The following ADAMTS14 variants were observed in gnomAD, a reference collection of about 807,000 sequenced individuals.
ADAMTS14 encodes A disintegrin and metalloproteinase with thrombospondin motifs 14.
ADAMTS14 carries 100 observed loss-of-function variants against 128.6 expected under a neutral mutation model. The ratio of observed to expected loss-of-function variants is 0.78; its 90% CI spans 0.66 to 0.92. The LOEUF (loss-of-function observed/expected upper bound fraction) is 0.92. Ranked by LOEUF, ADAMTS14 falls within the 40% of genes least tolerant of loss-of-function variation. ADAMTS14 has a pLI of 0.00. For synonymous variants in ADAMTS14, 665 were observed against 653.8 expected, an observed-to-expected ratio of 1.02 and a Z score of -0.26; for missense variants, 1,562 against 1,658.6, an observed-to-expected ratio of 0.94 and a Z score of 1.01.
Position 70,674,703 on chromosome 10 carries a change from C to T in ADAMTS14, c.230C>T (p.Pro77Leu). Residue 77 changes from proline to leucine, a missense_variant, in exon 2 of 22, where the codon CCA becomes CTA. Transcript: ENST00000373207. ...GTAGTGGACACGCCACCCACACTAC[C>T]ACGACACTCCAGTCACCTCCGGGTG... ...SMVVDTPPTLPRHSSHLRVAR... is the reference protein window; with the variant it reads ...SMVVDTPPTLLRHSSHLRVAR... 1.9e-6 allele frequency: 3 copies of T among 1,613,562 alleles called. No homozygotes were observed. The highest frequency in any genetic ancestry group is 2.5e-6 in the Non-Finnish European group (3 of 1,180,020).
At chr10:70,748,640 A>T (rs1051814619) in intron 15 of ADAMTS14, among the ~76,000 whole-genome samples, 70 of 152,336 alleles carry the variant, frequency 4.6e-4, no homozygotes, top group African/African-American at 1.7e-3. Context: ...GGAGTCTCCA[A>T]TTCCCCATCT....
At chr10:70,708,208 CA>C (rs1589283227) in intron 3 of ADAMTS14, among the ~76,000 whole-genome samples, 1 of 152,250 alleles carries the variant, frequency 6.6e-6, no homozygotes, top group East Asian at 1.9e-4. Context: ...TTGATTTTTA[CA>C]GCAACCTTGT....
intron 10 of ADAMTS14, among the ~76,000 whole-genome samples, chr10:70,738,395 A>G (rs1415308751): frequency 6.6e-6 from 1 of 152,194 alleles, no homozygotes; most frequent in Non-Finnish European, 1.5e-5. Context: ...CACTGCATGC[A>G]CAGACCTCCC....
chr10:70,737,237 TC>T (rs1564548061), intron 10 of ADAMTS14, among the ~76,000 whole-genome samples: 1 of 152,158 alleles, frequency 6.6e-6, no homozygotes, highest in African/African-American at 2.4e-5. Flanking sequence ...ACACGTGTTC[TC>T]CCCACACCAA....
intron 4 of ADAMTS14, among the ~76,000 whole-genome samples, chr10:70,711,349 C>T (rs528154434): frequency 5.3e-5 from 8 of 152,338 alleles, no homozygotes; most frequent in African/African-American, 1.9e-4. Context: ...ATTGGCCTAA[C>T]CTGGGTCACG....
chr10:70,745,753 G>C (rs1464525223), intron 15 of ADAMTS14, among the ~76,000 whole-genome samples: 1 of 152,142 alleles, frequency 6.6e-6, no homozygotes, highest in African/African-American at 2.4e-5. Context: ...TGGGCTCTGT[G>C]GGGTGGTTCT....
intron 21 of ADAMTS14, 62 bp from the exon 22 acceptor site, chr10:70,760,298 G>GA: frequency 6.7e-7 from 1 of 1,501,338 alleles, no homozygotes; most frequent in Non-Finnish European, 8.9e-7. Context: ...GGGAGGGGGG[G>GA]CCACCTGACT....
intron 4 of ADAMTS14, among the ~76,000 whole-genome samples, chr10:70,714,504 G>T (rs1282013119): frequency 2.0e-5 from 3 of 152,176 alleles, no homozygotes; most frequent in Admixed American, 6.5e-5. Context: ...AGCTGTTATG[G>T]TAGAAAAACT....
intron 2 of ADAMTS14, 73 bp downstream of exon 2, chr10:70,675,068 A>C: frequency 6.5e-7 from 1 of 1,545,826 alleles, no homozygotes; most frequent in Non-Finnish European, 8.8e-7. Context: ...TGAGATTGCT[A>C]TGGGCATGTT....
At chr10:70,729,955 T>G in intron 5 of ADAMTS14, 147 bp from the exon 6 acceptor site, 1 of 913,886 alleles carries the variant, frequency 1.1e-6, no homozygotes, top group Non-Finnish European at 1.6e-6. Flanking sequence ...CCAGCAGCAG[T>G]TGAGTGGGGA....
rs908166297 is a variant in ADAMTS14, at chr10:70,689,498, C to T, written c.523-12814C>T. On this transcript the variant is annotated intron_variant, in intron 2 of 21. Coordinates refer to ENST00000373207, the MANE Select transcript of ADAMTS14 (RefSeq NM_080722.4). ...GTGGGGTGCACAGCAGGGGCGAAGG[C>T]GCGGAGGCCCATGGGAACTGTGGCT... 6.2e-5 allele frequency among the ~76,000 whole-genome samples: 9 copies of T among 145,182 alleles called. 1 individual carries two copies. Among genetic ancestry groups the T allele is most frequent in the East Asian group, 1.9e-4 (1 of 5,162 alleles).
intron 2 of ADAMTS14, among the ~76,000 whole-genome samples, chr10:70,700,584 G>A (rs1488238708): frequency 6.6e-6 from 1 of 152,128 alleles, no homozygotes; most frequent in Non-Finnish European, 1.5e-5. Flanking sequence ...AAGAGTGTTG[G>A]GCCTCTCACT....
chr10:70,679,199 T>A (rs973707724), intron 2 of ADAMTS14, among the ~76,000 whole-genome samples: 5 of 151,966 alleles, frequency 3.3e-5, no homozygotes, highest in African/African-American at 4.8e-5. Flanking sequence ...TCAGACATTA[T>A]AAACATGAAA....
intron 2 of ADAMTS14, among the ~76,000 whole-genome samples, chr10:70,695,672 C>A (rs1306334525): frequency 6.6e-6 from 1 of 152,160 alleles, no homozygotes; most frequent in Non-Finnish European, 1.5e-5. Context: ...ATGGGGAAGA[C>A]AAGGGGAGGA....
At chr10:70,684,123 TGGCG>T (rs1839890039) in intron 2 of ADAMTS14, among the ~76,000 whole-genome samples, 2 of 151,794 alleles carry the variant, frequency 1.3e-5, no homozygotes, top group Admixed American at 1.3e-4. Context: ...GTATCTCGCA[TGGCG>T]GGAGCAGGAG....
chr10:70,688,876 AGGGGG>A lies in ADAMTS14; in HGVS notation c.523-13435_523-13431del, dbSNP rs1564521595. Among the ~76,000 whole-genome samples the A allele has an allele frequency of 1.2e-4, 2 of 16,110 alleles. 1 individual carries two copies. Among genetic ancestry groups the A allele is most frequent in the African/African-American group, 9.4e-4 (2 of 2,138 alleles). The allele number at this position is 16,110 out of a possible 152,430, so 10.6% of individuals were successfully genotyped here. On this transcript the variant is annotated intron_variant, in intron 2 of 21. Transcript: ENST00000373207. Reference sequence around the variant, plus strand: ...GAGGGGGAGGGGGAGGGGGAGGGGGAGGGGGAGGGGGAGGGGGAGGGAGAGGGAGA... The same window carrying A: ...GAGGGGGAGGGGGAGGGGGAGGGGGAAGGGGGAGGGGGAGGGAGAGGGAGA...
At chr10:70,693,324 C>A (rs1413748584) in intron 2 of ADAMTS14, among the ~76,000 whole-genome samples, 2 of 152,140 alleles carry the variant, frequency 1.3e-5, no homozygotes, top group African/African-American at 4.8e-5. Flanking sequence ...CATAGCAGAG[C>A]CAGGGGCTAC....
chr10:70,751,261 GCCT>G (rs1842339778), intron 16 of ADAMTS14, among the ~76,000 whole-genome samples: 1 of 152,142 alleles, frequency 6.6e-6, no homozygotes, highest in Non-Finnish European at 1.5e-5. Flanking sequence ...CTGCCCTTGG[GCCT>G]GGCACACAGC....
intron 10 of ADAMTS14, 118 bp downstream of exon 10, chr10:70,736,911 G>A: frequency 1.1e-6 from 1 of 872,440 alleles, no homozygotes; most frequent in Non-Finnish European, 1.8e-6. Context: ...TATATGAGTT[G>A]AGGGTGGTGC....
Sources: allele counts gnomAD v4.1 joint callset (sites outside exome capture counted in the v4.1 genomes callset), GRCh38; gene constraint gnomAD v4.1.1; transcripts MANE v1.5; gene names NCBI Gene and HGNC (gene_info 2026-07-23, HGNC 2026-07-21).